CNTNAP5: variants seen among roughly 807,000 people sequenced by gnomAD.
CNTNAP5 encodes contactin-associated protein-like 5.
A neutral mutation model predicts 150.2 loss-of-function variants in CNTNAP5; 72 were observed. That is an observed-to-expected ratio of 0.48 (90% CI 0.40 to 0.58). The LOEUF (loss-of-function observed/expected upper bound fraction) is 0.58, where lower values mean the gene tolerates loss of function less well. Ranked by LOEUF, CNTNAP5 falls within the 20% of genes least tolerant of loss-of-function variation. The pLI, the probability that CNTNAP5 is intolerant of heterozygous loss-of-function variation, is 0.00. For missense variants in CNTNAP5, 1,636 were observed against 1,626.2 expected, an observed-to-expected ratio of 1.01 and a Z score of -0.10; for synonymous variants, 672 against 619.8, an observed-to-expected ratio of 1.08 and a Z score of -1.25.
intron 19 of CNTNAP5, among the ~76,000 whole-genome samples, chr2:124,857,612 G>A (rs1240162228): frequency 6.6e-6 from 1 of 151,830 alleles, no homozygotes; most frequent in Non-Finnish European, 1.5e-5. Context: ...GATCAACTGA[G>A]GTCAGGATTT....
chr2:124,617,512 C>A (rs1004496452), intron 12 of CNTNAP5, among the ~76,000 whole-genome samples: 1 of 152,082 alleles, frequency 6.6e-6, no homozygotes, highest in African/African-American at 2.4e-5. Context: ...GATGTTGTCA[C>A]GTGGCCTTCT....
intron 8 of CNTNAP5, 123 bp downstream of exon 8, chr2:124,504,679 G>A: frequency 1.3e-6 from 1 of 740,962 alleles, no homozygotes; most frequent in Non-Finnish European, 2.1e-6. Context: ...ATTCACAAAT[G>A]TACTCCAAGT....
chr2:124,194,742 AACATT>A (rs1685542846), intron 1 of CNTNAP5, among the ~76,000 whole-genome samples: 1 of 151,106 alleles, frequency 6.6e-6, no homozygotes, highest in Non-Finnish European at 1.5e-5. Context: ...TATTATAGGT[AACATT>A]ACACATAATG....
intron 3 of CNTNAP5, among the ~76,000 whole-genome samples, chr2:124,390,871 C>T (rs559244616): frequency 6.6e-6 from 1 of 152,194 alleles, no homozygotes; most frequent in East Asian, 1.9e-4. Flanking sequence ...GGAAGAGGTA[C>T]CTACTTTCCA....
chr2:124,393,426 G>T (rs1691169308), intron 3 of CNTNAP5, among the ~76,000 whole-genome samples: 2 of 152,104 alleles, frequency 1.3e-5, no homozygotes, highest in Non-Finnish European at 2.9e-5. Flanking sequence ...ATTCTCCAAA[G>T]GCTAGGTAAG....
chr2:124,292,388 A>T (rs1287997790), intron 3 of CNTNAP5, among the ~76,000 whole-genome samples: 1 of 152,174 alleles, frequency 6.6e-6, no homozygotes, highest in Non-Finnish European at 1.5e-5. Context: ...TTCCTACAAA[A>T]GCAAAGGAGG....
chr2:124,292,791 G>A (rs938966556), intron 3 of CNTNAP5, among the ~76,000 whole-genome samples: 5 of 152,026 alleles, frequency 3.3e-5, no homozygotes, highest in African/African-American at 1.2e-4. Flanking sequence ...TCTGAATTTT[G>A]CAGAGATCTC....
chr2:124,570,172 T>C (rs1290013790), intron 11 of CNTNAP5, among the ~76,000 whole-genome samples: 2 of 152,172 alleles, frequency 1.3e-5, no homozygotes, highest in Admixed American at 6.5e-5. Context: ...CACTCTTTGA[T>C]GTATACCAAA....
intron 1 of CNTNAP5, among the ~76,000 whole-genome samples, chr2:124,065,242 G>T (rs1035416539): frequency 3.3e-5 from 5 of 152,138 alleles, no homozygotes; most frequent in African/African-American, 1.2e-4. Flanking sequence ...TTCTGTTTTA[G>T]AGTTGAACAA....
intron 3 of CNTNAP5, among the ~76,000 whole-genome samples, chr2:124,377,207 T>C (rs911060745): frequency 6.6e-6 from 1 of 152,114 alleles, no homozygotes; most frequent in Non-Finnish European, 1.5e-5. Context: ...GTTATTTACA[T>C]TGGGAACACT....
intron 13 of CNTNAP5, among the ~76,000 whole-genome samples, chr2:124,688,030 C>G (rs1235896449): frequency 2.0e-5 from 3 of 151,924 alleles, no homozygotes; most frequent in Non-Finnish European, 4.4e-5. Context: ...AGGGTCACAC[C>G]CCCTCCAGAC....
At chr2:124,276,066 C>A (rs895470389) in intron 3 of CNTNAP5, among the ~76,000 whole-genome samples, 1 of 152,084 alleles carries the variant, frequency 6.6e-6, no homozygotes, top group African/African-American at 2.4e-5. Flanking sequence ...CAGAAATAAA[C>A]CTAGCATCCT....
At chr2:124,504,820 C>T (rs1441259261) in intron 8 of CNTNAP5, among the ~76,000 whole-genome samples, 1 of 151,378 alleles carries the variant, frequency 6.6e-6, no homozygotes, top group African/African-American at 2.4e-5. Flanking sequence ...GATTCTCCTG[C>T]CTCAGCTTCC....
chr2:124,336,902 G>A lies in CNTNAP5; in HGVS notation c.382-80541G>A, dbSNP rs561759173. Among the ~76,000 whole-genome samples the A allele has an allele frequency of 2.3e-3, 346 of 152,238 alleles. 2 individuals carry two copies. The highest frequency in any genetic ancestry group is 7.1e-3 in the African/African-American group (296 of 41,536). Reference sequence around the variant, plus strand: ...TGGGTATATACCCAGTAATGGGATGGCTGGGTCAAATGGTATTTCTAGTTC... The same window carrying A: ...TGGGTATATACCCAGTAATGGGATGACTGGGTCAAATGGTATTTCTAGTTC... On this transcript the variant is annotated intron_variant, in intron 3 of 23. Coordinates refer to ENST00000682447, the MANE Select transcript of CNTNAP5 (RefSeq NM_001367498.1).
intron 19 of CNTNAP5, among the ~76,000 whole-genome samples, chr2:124,810,767 C>A (rs535729303): frequency 1.7e-4 from 26 of 152,168 alleles, no homozygotes; most frequent in African/African-American, 5.5e-4. Flanking sequence ...TGGTTCTCAG[C>A]TGGGCATGCT....
chr2:124,740,588 C>A (rs1290025486), intron 13 of CNTNAP5, among the ~76,000 whole-genome samples: 1 of 152,156 alleles, frequency 6.6e-6, no homozygotes, highest in Non-Finnish European at 1.5e-5. Context: ...ATATTGCAAA[C>A]ACCTTGAAAT....
chr2:124,852,313 A>T (rs1840197), intron 19 of CNTNAP5, among the ~76,000 whole-genome samples: 28,447 of 152,104 alleles, frequency 0.19, 3,175 homozygotes, highest in African/African-American at 0.31. Context: ...TGTGGCTCTC[A>T]TGGGACCTAA....
intron 4 of CNTNAP5, among the ~76,000 whole-genome samples, chr2:124,430,449 C>A (rs1343539453): frequency 6.6e-6 from 1 of 152,124 alleles, no homozygotes; most frequent in East Asian, 1.9e-4. Flanking sequence ...ATTATCCTAG[C>A]CCCACACATA....
chr2:124,446,853 C>A lies in CNTNAP5; in HGVS notation c.834C>A (p.Gly278=), dbSNP rs754938422. 1.2e-6 allele frequency: 2 copies of A among 1,613,772 alleles called. No homozygotes were observed. Among genetic ancestry groups the A allele is most frequent in the African/African-American group, 2.7e-5 (2 of 74,900 alleles). ...ACTCGGTCCTCATTGAGCGGGTGGG[C>A]AAGCAGGTGAACTTCACGGTGGACA... ...HWHSVLIERV[G]KQVNFTVDKH... is the part of the protein sequence containing the mutation. The change falls in exon 6 of 24, where the codon GGC becomes GGA. Residue 278 remains glycine, a synonymous_variant. Coordinates refer to ENST00000682447, the MANE Select transcript of CNTNAP5 (RefSeq NM_001367498.1).
Sources: allele counts gnomAD v4.1 joint callset (sites outside exome capture counted in the v4.1 genomes callset), GRCh38; gene constraint gnomAD v4.1.1; transcripts MANE v1.5; gene names NCBI Gene and HGNC (gene_info 2026-07-23, HGNC 2026-07-21).